SYNE2: variants seen among roughly 807,000 people sequenced by gnomAD.
SYNE2 encodes nesprin-2.
Under a neutral mutation model 856.3 loss-of-function variants are expected in SYNE2, and 431 were observed. That is an observed-to-expected ratio of 0.50 (90% confidence interval 0.47 to 0.55). SYNE2 has a LOEUF of 0.55. Ranked by LOEUF, SYNE2 falls within the 20% of genes least tolerant of loss-of-function variation. The pLI is 0.00. For missense variants in SYNE2, 8,129 were observed against 8,023.2 expected (o/e 1.01, Z -0.50); for synonymous variants, 2,923 against 2,872.3 (o/e 1.02, Z -0.56).
At chr14:63,936,029 C>G (rs977265656) in intron 2 of SYNE2, among the ~76,000 whole-genome samples, 2 of 152,142 alleles carry the variant, frequency 1.3e-5, no homozygotes, top group Admixed American at 6.5e-5. Context: ...TGCCCACCAC[C>G]ATGCCTGGCT....
chr14:64,129,364 T>G (rs999084339), intron 74 of SYNE2, among the ~76,000 whole-genome samples: 8 of 152,168 alleles, frequency 5.3e-5, no homozygotes, highest in African/African-American at 1.9e-4. Flanking sequence ...CAGCTCTGCT[T>G]GAATTAAAAA....
At chr14:63,961,215 C>T (rs1406332299) in intron 8 of SYNE2, among the ~76,000 whole-genome samples, 1 of 152,218 alleles carries the variant, frequency 6.6e-6, no homozygotes, top group Non-Finnish European at 1.5e-5. Flanking sequence ...ATTTTCTCCT[C>T]TTCATCCTCT....
At chr14:63,829,386 C>T (rs896379389) in intron 1 of SYNE2, among the ~76,000 whole-genome samples, 2 of 151,818 alleles carry the variant, frequency 1.3e-5, no homozygotes, top group Non-Finnish European at 2.9e-5. Flanking sequence ...CACTGCACTC[C>T]AGCCTGGACA....
intron 21 of SYNE2, among the ~76,000 whole-genome samples, chr14:63,991,945 C>T (rs1566990380): frequency 6.6e-6 from 1 of 151,954 alleles, no homozygotes; most frequent in East Asian, 1.9e-4. Flanking sequence ...CTCTGTCTGT[C>T]TTCTGGGCCT....
intron 6 of SYNE2, among the ~76,000 whole-genome samples, chr14:63,947,097 G>C (rs1346732694): frequency 1.3e-5 from 2 of 152,128 alleles, no homozygotes; most frequent in Non-Finnish European, 2.9e-5. Flanking sequence ...TGATTCACCT[G>C]CCTTGGCCTC....
In SYNE2 at chr14:63,978,869, A is replaced by C; in HGVS notation, c.1424A>C (p.Glu475Ala). 6.2e-7 allele frequency: 1 copy of C among 1,613,074 alleles called. No homozygotes were observed. Among genetic ancestry groups the C allele is most frequent in the Non-Finnish European group, 8.5e-7 (1 of 1,179,388 alleles). Residue 475 changes from glutamate to alanine, a missense_variant, in exon 14 of 116, where the codon GAG (glutamate) becomes GCG (alanine). By Grantham distance (107) the Glu-to-Ala change is moderately radical (BLOSUM62 -1). Transcript: ENST00000555002. ...TTTTCCAGAATCAACAACATTTTGG[A>C]GAAAAAATTTATTCTACTTCTAGAA... ...EMKRRINNIL[E>A]KKFILLLEFH...
intron 84 of SYNE2, among the ~76,000 whole-genome samples, chr14:64,152,245 A>G (rs929612244): frequency 6.6e-6 from 1 of 152,160 alleles, no homozygotes; most frequent in Non-Finnish European, 1.5e-5. Flanking sequence ...GAAAATGGAG[A>G]CTGAAAGGTT....
intron 1 of SYNE2, among the ~76,000 whole-genome samples, chr14:63,771,621 G>A (rs376065455): frequency 4.6e-5 from 7 of 152,206 alleles, no homozygotes; most frequent in African/African-American, 1.2e-4. Flanking sequence ...AACACAGGCC[G>A]GGCATGGTGG....
chr14:64,109,422 C>G (rs1208276518), intron 65 of SYNE2, among the ~76,000 whole-genome samples: 1 of 152,078 alleles, frequency 6.6e-6, no homozygotes, highest in Non-Finnish European at 1.5e-5. Flanking sequence ...CCCCACTTTA[C>G]AGATGGAGAA....
chr14:63,982,931 AT>A, intron 17 of SYNE2, 137 bp downstream of exon 17: 1 of 883,590 alleles, frequency 1.1e-6, no homozygotes, highest in East Asian at 2.7e-5. Flanking sequence ...AATTTAGAAC[AT>A]TTTTATTACT....
intron 2 of SYNE2, among the ~76,000 whole-genome samples, chr14:63,939,403 A>G (rs1211884124): frequency 1.4e-5 from 2 of 142,976 alleles, no homozygotes; most frequent in Non-Finnish European, 3.0e-5. Context: ...GCTGGAGTGC[A>G]GTGTCACAAT....
intron 96 of SYNE2, among the ~76,000 whole-genome samples, chr14:64,185,666 G>A (rs994249835): frequency 7.3e-5 from 11 of 151,580 alleles, no homozygotes; most frequent in Non-Finnish European, 1.5e-4. Flanking sequence ...GATTACAGGC[G>A]CGCGCCACCG....
intron 1 of SYNE2, among the ~76,000 whole-genome samples, chr14:63,838,175 G>T (rs1314631075): frequency 6.6e-6 from 1 of 152,074 alleles, no homozygotes; most frequent in Non-Finnish European, 1.5e-5. Flanking sequence ...TTTGAGACCA[G>T]CCTGGTGAAC....
rs544576312 is a variant in SYNE2, at chr14:64,180,079, A to G, written c.17556+2596A>G. The stretch of plus-strand genomic sequence containing the variant: ...GTTTTAAGGCAGAGATCCATTTTCT[A>G]ATTTTATTCGTATGGATAGCCAGTT... On this transcript the variant is annotated intron_variant, in intron 96 of 115. Coordinates refer to ENST00000555002, the MANE Select transcript of SYNE2 (RefSeq NM_182914.3). Among the ~76,000 whole-genome samples the G allele has an allele frequency of 4.6e-5, 7 of 152,312 alleles. No homozygotes were observed. The South Asian group carries it at 6.2e-4, about 14-fold the overall frequency.
chr14:64,132,463 A>G (rs756871324), intron 77 of SYNE2, 25 bp downstream of exon 77: 9 of 1,613,954 alleles, frequency 5.6e-6, no homozygotes, highest in East Asian at 4.5e-5. Flanking sequence ...TAAACGTTGT[A>G]CTGAAGCTGG....
chr14:63,807,433 C>T (rs572086680), intron 1 of SYNE2, among the ~76,000 whole-genome samples: 27 of 151,098 alleles, frequency 1.8e-4, no homozygotes, highest in Middle Eastern at 3.4e-3. Flanking sequence ...AAACTGAATA[C>T]GTTATAAAAA....
chr14:64,128,587 C>T, intron 74 of SYNE2, 34 bp downstream of exon 74: 1 of 1,312,476 alleles, frequency 7.6e-7, no homozygotes, highest in Non-Finnish European at 1.1e-6. Context: ...ACTGACTTAA[C>T]TTTGAACCAC....
intron 1 of SYNE2, among the ~76,000 whole-genome samples, chr14:63,885,627 G>C (rs1463513067): frequency 6.6e-6 from 1 of 152,026 alleles, no homozygotes; most frequent in African/African-American, 2.4e-5. Context: ...TTTGAGACAG[G>C]GTTTTGCTCT....
chr14:63,830,840 C>CTTTT lies in SYNE2; in HGVS notation c.-304-21644_-304-21641dup, dbSNP rs11427202. On this transcript the variant is annotated intron_variant, in intron 1 of 23. Coordinates refer to the SYNE2 transcript ENST00000674003. ...AATCTTTCAATACAGTGATCCCATT[C>CTTTT]TTTTTTTTTTTTTTTTTTTTGTGAG... Among the ~76,000 whole-genome samples the CTTTT allele has an allele frequency of 3.0e-3, 328 of 108,652 alleles. 1 individual carries two copies. Among genetic ancestry groups the CTTTT allele is most frequent in the African/African-American group, 3.8e-3 (105 of 27,860 alleles). 71.3% of individuals were successfully genotyped at this position (108,652 alleles called of 152,430 possible).
Sources: gnomAD v4.1 joint callset for allele counts (sites outside exome capture counted in the v4.1 genomes callset) on GRCh38, gnomAD v4.1.1 for gene constraint, MANE v1.5 for transcripts, NCBI Gene and HGNC (gene_info 2026-07-23, HGNC 2026-07-21) for gene names.